Variants in PCDH9 observed in about 807,000 individuals in gnomAD.
PCDH9 encodes protocadherin 9, also known as protocadherin-9.
Under a neutral mutation model 70.6 loss-of-function variants are expected in PCDH9, and 24 were observed. The ratio of observed to expected loss-of-function variants is 0.34; its 90% confidence interval spans 0.25 to 0.48. PCDH9 has a LOEUF of 0.48. Among genes scored for constraint, PCDH9 ranks in the 20% least tolerant of loss-of-function variants. The pLI is 0.99. For missense variants in PCDH9, 1,281 were observed against 1,503.6 expected (o/e 0.85, Z 2.45); for synonymous variants, 562 against 558.5 (o/e 1.01, Z -0.09).
At chr13:66,392,104 T>C (rs1179313199) in intron 4 of PCDH9, among the ~76,000 whole-genome samples, 2 of 151,902 alleles carry the variant, frequency 1.3e-5, no homozygotes, top group Non-Finnish European at 2.9e-5. Flanking sequence ...GTTTGTCTTA[T>C]TTTGGATACT....
At position 66,582,014 on chromosome 13, in the gene PCDH9, T is replaced by C. The variant is rs552861225; in HGVS notation, c.3340+49196A>G. On this transcript the variant is annotated intron_variant, in intron 4 of 4. Coordinates refer to ENST00000377865, the MANE Select transcript of PCDH9 (RefSeq NM_203487.3). ...CTTAAATCTTCCTCTGGAAAGCCAA[T>C]GAGAATCCCATACTTCATGATATCA... is the stretch of plus-strand genomic sequence containing the variant. Among the ~76,000 whole-genome samples, 7 of 152,276 alleles carry C rather than the reference T, an allele frequency of 4.6e-5. No homozygotes were observed. The South Asian group carries it at 1.5e-3, about 32-fold the overall frequency.
intron 4 of PCDH9, among the ~76,000 whole-genome samples, chr13:66,421,830 G>C (rs538941957): frequency 6.6e-6 from 1 of 152,120 alleles, no homozygotes; most frequent in Non-Finnish European, 1.5e-5. Flanking sequence ...AATGTTAACA[G>C]GCTAAATGCC....
intron 4 of PCDH9, among the ~76,000 whole-genome samples, chr13:66,356,914 G>A (rs577463067): frequency 1.3e-5 from 2 of 152,000 alleles, no homozygotes; most frequent in African/African-American, 4.8e-5. Context: ...TTGGGTAATC[G>A]GCTTAAGGTT....
intron 3 of PCDH9, among the ~76,000 whole-genome samples, chr13:66,774,804 T>A (rs2079864591): frequency 6.6e-6 from 1 of 152,224 alleles, no homozygotes; most frequent in Non-Finnish European, 1.5e-5. Context: ...CCTGTCCTCC[T>A]AACTTTTTGC....
At chr13:66,448,098 A>G (rs970061025) in intron 4 of PCDH9, among the ~76,000 whole-genome samples, 9 of 152,176 alleles carry the variant, frequency 5.9e-5, no homozygotes, top group Non-Finnish European at 1.0e-4. Flanking sequence ...TAAAGAAAAA[A>G]AATGCTGGTG....
At chr13:66,882,565 G>T (rs1269201690) in intron 3 of PCDH9, among the ~76,000 whole-genome samples, 1 of 151,656 alleles carries the variant, frequency 6.6e-6, no homozygotes, top group Non-Finnish European at 1.5e-5. Context: ...GCATATAGTT[G>T]CCCTCCAAAT....
chr13:66,749,232 G>A (rs561458041), intron 3 of PCDH9, among the ~76,000 whole-genome samples: 1 of 152,204 alleles, frequency 6.6e-6, no homozygotes, highest in East Asian at 1.9e-4. Context: ...TGGGTGCAGG[G>A]AGCACTCTAG....
chr13:66,654,978 G>A (rs2077908831), intron 3 of PCDH9, among the ~76,000 whole-genome samples: 1 of 151,870 alleles, frequency 6.6e-6, no homozygotes, highest in Non-Finnish European at 1.5e-5. Flanking sequence ...CACTCACCTT[G>A]GCCTACCAAA....
intron 2 of PCDH9, among the ~76,000 whole-genome samples, chr13:66,992,154 T>G (rs917659332): frequency 6.6e-6 from 1 of 152,146 alleles, no homozygotes; most frequent in Admixed American, 6.6e-5. Flanking sequence ...GTGAGCACAT[T>G]ATAACCAGAG....
intron 3 of PCDH9, among the ~76,000 whole-genome samples, chr13:66,812,286 T>C (rs2080523397): frequency 6.6e-6 from 1 of 152,020 alleles, no homozygotes; most frequent in South Asian, 2.1e-4. Context: ...TCCCTAACAT[T>C]ACCATACAAT....
intron 3 of PCDH9, among the ~76,000 whole-genome samples, chr13:66,897,545 C>T (rs2082203592): frequency 1.3e-5 from 2 of 151,962 alleles, no homozygotes; most frequent in Admixed American, 6.6e-5. Flanking sequence ...TTCATATTTG[C>T]CTACATCCCT....
chr13:66,584,960 G>A (rs569694983), intron 4 of PCDH9, among the ~76,000 whole-genome samples: 4 of 152,148 alleles, frequency 2.6e-5, no homozygotes, highest in South Asian at 2.1e-4. Flanking sequence ...AAAGTGATAC[G>A]GTCATCCCAG....
intron 4 of PCDH9, among the ~76,000 whole-genome samples, chr13:66,555,299 C>A (rs1255423844): frequency 6.6e-6 from 1 of 150,840 alleles, no homozygotes; most frequent in South Asian, 2.1e-4. Flanking sequence ...TTTTTTGTGT[C>A]TTTTTATAGA....
At chr13:66,388,913 T>C (rs1227376376) in intron 4 of PCDH9, among the ~76,000 whole-genome samples, 1 of 152,162 alleles carries the variant, frequency 6.6e-6, no homozygotes, top group Non-Finnish European at 1.5e-5. Flanking sequence ...AAACTAATAA[T>C]GACCAACATA....
intron 4 of PCDH9, among the ~76,000 whole-genome samples, chr13:66,443,884 AT>A (rs761287661): frequency 6.6e-6 from 1 of 152,104 alleles, no homozygotes; most frequent in African/African-American, 2.4e-5. Context: ...TTATTATCTG[AT>A]TTTTTTGGAA....
At chr13:66,513,199 T>G (rs1249386160) in intron 4 of PCDH9, among the ~76,000 whole-genome samples, 2 of 151,208 alleles carry the variant, frequency 1.3e-5, no homozygotes, top group South Asian at 2.1e-4. Flanking sequence ...CACGTGTTTT[T>G]TTTTTTTTTT....
At chr13:66,795,154 C>A (rs965300666) in intron 3 of PCDH9, among the ~76,000 whole-genome samples, 1 of 152,026 alleles carries the variant, frequency 6.6e-6, no homozygotes, top group Non-Finnish European at 1.5e-5. Flanking sequence ...CTCTAACATG[C>A]TTGGGACCAG....
intron 4 of PCDH9, among the ~76,000 whole-genome samples, chr13:66,344,476 C>T (rs1956182704): frequency 6.6e-6 from 1 of 152,098 alleles, no homozygotes; most frequent in Non-Finnish European, 1.5e-5. Context: ...TGCACATTGA[C>T]ATATTAGTAC....
intron 4 of PCDH9, among the ~76,000 whole-genome samples, chr13:66,605,266 TC>T (rs1218327747): frequency 6.6e-6 from 1 of 152,104 alleles, no homozygotes; most frequent in African/African-American, 2.4e-5. Flanking sequence ...GTGTTGCAGT[TC>T]TATGATAAAC....
Sources: gnomAD v4.1 joint callset for allele counts (sites outside exome capture counted in the v4.1 genomes callset) on GRCh38, gnomAD v4.1.1 for gene constraint, MANE v1.5 for transcripts, NCBI Gene and HGNC (gene_info 2026-07-23, HGNC 2026-07-21) for gene names.